The following TTC28 variants were observed in gnomAD, a reference collection of about 807,000 sequenced individuals.
TTC28 encodes the protein tetratricopeptide repeat domain 28, also known as tetratricopeptide repeat protein 28.
In TTC28, 61 loss-of-function variants were observed where a neutral mutation model predicts 198.0. The ratio of observed to expected loss-of-function variants is 0.31; its 90% CI spans 0.25 to 0.38. TTC28 has a LOEUF of 0.38. Ranked by LOEUF, TTC28 falls within the 10% of genes least tolerant of loss-of-function variation. The pLI is 1.00. For synonymous variants in TTC28, 1,171 were observed against 1,297.8 expected (o/e 0.90, Z 2.10); for missense variants, 2,678 against 3,164.0 (o/e 0.85, Z 3.69).
intron 1 of TTC28, among the ~76,000 whole-genome samples, chr22:28,672,238 G>A (rs1051025567): frequency 2.0e-5 from 3 of 151,876 alleles, no homozygotes; most frequent in Admixed American, 1.3e-4. Flanking sequence ...AGGCCATCTC[G>A]GCTCACTGCA....
At position 28,343,351 on chromosome 22, in the gene TTC28, G is replaced by A. The variant is rs185704912; in HGVS notation, c.382-36708C>T. Reference sequence around the variant, plus strand: ...TTGGGACCAGCTTGGCCAACATGGTGAGACCCCATCTCTAGTAAAAATACA... The same window carrying A: ...TTGGGACCAGCTTGGCCAACATGGTAAGACCCCATCTCTAGTAAAAATACA... On this transcript the variant is annotated intron_variant, in intron 2 of 22. Coordinates refer to ENST00000397906, the MANE Select transcript of TTC28 (RefSeq NM_001145418.2). Among the ~76,000 whole-genome samples the A allele has an allele frequency of 2.6e-3, 397 of 152,096 alleles. 1 individual carries two copies. The highest frequency in any genetic ancestry group is 2.7e-3 in the Non-Finnish European group (186 of 67,990).
At chr22:28,163,026 G>C in intron 6 of TTC28, 66 bp downstream of exon 6, 1 of 1,442,544 alleles carries the variant, frequency 6.9e-7, no homozygotes, top group Non-Finnish European at 9.2e-7. Context: ...AAAAGATAGT[G>C]ATCTACTCCA....
At chr22:28,233,102 CAA>C (rs767038801) in intron 5 of TTC28, among the ~76,000 whole-genome samples, 1 of 140,998 alleles carries the variant, frequency 7.1e-6, no homozygotes. Context: ...AACTCTGTCT[CAA>C]AAAAAAAAAA....
chr22:28,187,871 C>T (rs567879783), intron 5 of TTC28, among the ~76,000 whole-genome samples: 1 of 152,316 alleles, frequency 6.6e-6, no homozygotes, highest in East Asian at 1.9e-4. Context: ...TGAATACCAG[C>T]TGCGTTCAAA....
chr22:28,108,040 T>C lies in TTC28; in HGVS notation c.1805A>G (p.Asn602Ser), dbSNP rs1427772666. ...SEARALSNLG[N>S]FHCSRGEYVQ... is the part of the protein sequence containing the mutation. ...ATACTCTCCCCGAGAGCAGTGGAAA[T>C]TGCCCAGGTTGCTGAGGGCCCGGGC... Residue 602 changes from asparagine (N) to serine (S), a missense_variant, in exon 7 of 23, where the codon AAT becomes AGT. Around this residue, in one of 8 missense-constraint regions of TTC28, gnomAD observed 775 missense variants for 845.9 expected, o/e 0.92. Transcript: ENST00000397906. 2 of 1,551,446 alleles carry C rather than the reference T, an allele frequency of 1.3e-6. No individual in the cohort carries two copies. Among genetic ancestry groups the C allele is most frequent in the East Asian group, 4.9e-5 (2 of 40,924 alleles).
intron 5 of TTC28, among the ~76,000 whole-genome samples, chr22:28,194,980 C>CCAA (rs1925242787): frequency 8.6e-5 from 1 of 11,666 alleles, no homozygotes; most frequent in Non-Finnish European, 1.7e-4. Flanking sequence ...AGAGATACAA[C>CCAA]AAAGAGAATT....
At position 28,395,614 on chromosome 22, in the gene TTC28, CAAAAAAAAAAACCAAACAAACAA is replaced by C. The variant is rs695694; in HGVS notation, c.382-88994_382-88972del. On this transcript the variant is annotated intron_variant, in intron 2 of 22. Transcript: ENST00000397906. ...TGGGCGACAGAGCAAGAGTCCGTCT[CAAAAAAAAAAACCAAACAAACAA>C]AAAAAAAAAAACCAGCAACAACCCC... Among the ~76,000 whole-genome samples the C allele has an allele frequency of 6.4e-3, 362 of 56,464 alleles. 2 individuals are homozygous for C. Among genetic ancestry groups the C allele is most frequent in the African/African-American group, 0.034 (337 of 9,978 alleles). The allele number at this position is 56,464 out of a possible 152,430, so 37.0% of individuals were successfully genotyped here.
At chr22:28,549,610 A>G (rs2049621427) in intron 2 of TTC28, among the ~76,000 whole-genome samples, 2 of 152,226 alleles carry the variant, frequency 1.3e-5, no homozygotes, top group Admixed American at 6.5e-5. Flanking sequence ...TACAATGCCT[A>G]AAGTTAATAC....
At chr22:28,039,864 G>A (rs903951312) in intron 12 of TTC28, among the ~76,000 whole-genome samples, 2 of 152,030 alleles carry the variant, frequency 1.3e-5, no homozygotes, top group African/African-American at 2.4e-5. Flanking sequence ...AGAAAAGAGA[G>A]AAGAATCAAA....
chr22:28,220,148 G>A (rs1275358042), intron 5 of TTC28, among the ~76,000 whole-genome samples: 1 of 152,144 alleles, frequency 6.6e-6, no homozygotes, highest in Non-Finnish European at 1.5e-5. Flanking sequence ...ATGTTAGTAG[G>A]AGAGAGAAAA....
chr22:28,269,106 G>A (rs947908629), intron 5 of TTC28, among the ~76,000 whole-genome samples: 3 of 151,954 alleles, frequency 2.0e-5, no homozygotes, highest in Non-Finnish European at 2.9e-5. Flanking sequence ...GGTCTTTCAC[G>A]CAAGCACTAA....
chr22:28,020,962 A>ACC, intron 13 of TTC28, among the ~76,000 whole-genome samples: 1 of 151,830 alleles, frequency 6.6e-6, no homozygotes, highest in African/African-American at 2.4e-5. Context: ...GCAGGCTCTC[A>ACC]CCTCAACCCA....
At chr22:28,599,653 A>T (rs1164050768) in intron 2 of TTC28, among the ~76,000 whole-genome samples, 1 of 152,178 alleles carries the variant, frequency 6.6e-6, no homozygotes, top group Non-Finnish European at 1.5e-5. Flanking sequence ...AAAAAAAGTA[A>T]CTTAGTCCAT....
At chr22:28,640,514 T>C (rs1385742380) in intron 1 of TTC28, among the ~76,000 whole-genome samples, 1 of 151,352 alleles carries the variant, frequency 6.6e-6, no homozygotes, top group Non-Finnish European at 1.5e-5. Flanking sequence ...TTCATTCAAC[T>C]CCAAGATACC....
chr22:28,057,239 T>C (rs917739277), intron 12 of TTC28, among the ~76,000 whole-genome samples: 2 of 152,206 alleles, frequency 1.3e-5, no homozygotes, highest in East Asian at 1.9e-4. Flanking sequence ...TACATATTCA[T>C]AGTCACTCCA....
intron 2 of TTC28, among the ~76,000 whole-genome samples, chr22:28,589,134 T>C (rs916011247): frequency 3.9e-5 from 6 of 152,312 alleles, no homozygotes; most frequent in African/African-American, 1.4e-4. Context: ...CAAGCATTCC[T>C]AAATTCTAAA....
intron 5 of TTC28, among the ~76,000 whole-genome samples, chr22:28,264,085 C>T (rs1931515845): frequency 6.6e-6 from 1 of 152,076 alleles, no homozygotes; most frequent in African/African-American, 2.4e-5. Context: ...GCTGTGTCGC[C>T]AGCCAAATCT....
At position 28,161,798 on chromosome 22, in the gene TTC28, AAGGGAGGG is replaced by A. The variant is rs545714724; in HGVS notation, c.1441+1286_1441+1293del. ...GAAGAGAGGAATGGAGGAAGGGAGG[AAGGGAGGG>A]AGGGAAGGAGGGAAGGAGGGAGGGA... On this transcript the variant is annotated intron_variant, in intron 6 of 22. Transcript: ENST00000397906. Among the ~76,000 whole-genome samples, 127 of 140,562 alleles carry A rather than the reference AAGGGAGGG, an allele frequency of 9.0e-4. 1 individual carries two copies. Among genetic ancestry groups the A allele is most frequent in the African/African-American group, 3.1e-3 (120 of 38,626 alleles). 92.2% of individuals were successfully genotyped at this position (140,562 alleles called of 152,430 possible). A position where few individuals can be genotyped will look rare whatever the true frequency, so the allele number is the denominator to read the frequency against.
chr22:28,561,074 T>A (rs1487165846), intron 2 of TTC28, among the ~76,000 whole-genome samples: 1 of 614 alleles, frequency 1.6e-3, no homozygotes, highest in Non-Finnish European at 6.0e-3. Flanking sequence ...TTCATTTTCT[T>A]TTTTTTTTTT....
Sources: allele counts gnomAD v4.1 joint callset (sites outside exome capture counted in the v4.1 genomes callset), GRCh38; gene constraint gnomAD v4.1.1; regional missense constraint gnomAD v4.1.1; transcripts MANE v1.5; gene names NCBI Gene and HGNC (gene_info 2026-07-23, HGNC 2026-07-21).